Variants in TJP1 observed in about 807,000 individuals in gnomAD.
TJP1 encodes tight junction protein ZO-1.
TJP1 carries 43 observed loss-of-function variants against 194.2 expected under a neutral mutation model. The ratio of observed to expected loss-of-function variants is 0.22; its 90% CI spans 0.17 to 0.29. TJP1 has a LOEUF of 0.29. TJP1 is among the 10% of genes least tolerant of loss of function. TJP1 has a pLI of 1.00. For synonymous variants in TJP1, 801 were observed against 779.0 expected, an observed-to-expected ratio of 1.03 and a Z score of -0.47; for missense variants, 1,971 against 2,185.7, an observed-to-expected ratio of 0.90 and a Z score of 1.96.
chr15:29,785,734 T>C (rs1357458720), intron 2 of TJP1, among the ~76,000 whole-genome samples: 1 of 152,224 alleles, frequency 6.6e-6, no homozygotes, highest in Non-Finnish European at 1.5e-5. Flanking sequence ...AACCTTTCAA[T>C]GGAATTTCAA....
At chr15:29,738,865 TAAA>T (rs71103406) in intron 10 of TJP1, among the ~76,000 whole-genome samples, 3 of 48,864 alleles carry the variant, frequency 6.1e-5, no homozygotes, top group African/African-American at 1.9e-4. Flanking sequence ...CTGTCACTAC[TAAA>T]AAAAAAAAAA....
chr15:29,871,542 CGTGG>C (rs1313507583), intron 2 of TJP1, among the ~76,000 whole-genome samples: 7 of 152,226 alleles, frequency 4.6e-5, no homozygotes, highest in Non-Finnish European at 8.8e-5. Context: ...GAAAGCTTGC[CGTGG>C]GAGAGGCGCA....
At chr15:29,761,927 AGAT>A (rs1196640642) in intron 6 of TJP1, among the ~76,000 whole-genome samples, 158 bp from the exon 7 acceptor site, 3 of 152,196 alleles carry the variant, frequency 2.0e-5, no homozygotes, top group African/African-American at 7.2e-5. Context: ...CACCTTCTTG[AGAT>A]GATAAAATCT....
At chr15:29,784,332 T>A (rs1339197144) in intron 2 of TJP1, among the ~76,000 whole-genome samples, 2 of 152,074 alleles carry the variant, frequency 1.3e-5, no homozygotes, top group Non-Finnish European at 2.9e-5. Flanking sequence ...AGAGTTTCGC[T>A]CTTCTCCTCC....
chr15:29,744,102 C>A (rs1442951578), intron 8 of TJP1, among the ~76,000 whole-genome samples: 1 of 152,076 alleles, frequency 6.6e-6, no homozygotes, highest in African/African-American at 2.4e-5. Context: ...TCAATTGAAC[C>A]CAGGAGGCAG....
At chr15:29,878,387 T>G (rs921108897) in intron 2 of TJP1, among the ~76,000 whole-genome samples, 4 of 152,182 alleles carry the variant, frequency 2.6e-5, no homozygotes, top group Non-Finnish European at 4.4e-5. Context: ...CTGTGACTAA[T>G]CAAGTACAAC....
At chr15:29,739,214 T>C (rs2044234431) in intron 10 of TJP1, among the ~76,000 whole-genome samples, 1 of 152,196 alleles carries the variant, frequency 6.6e-6, no homozygotes, top group Non-Finnish European at 1.5e-5. Flanking sequence ...CTTTAGGCCA[T>C]ATCTCACCAA....
At chr15:29,920,589 G>C (rs114235147) in intron 2 of TJP1, among the ~76,000 whole-genome samples, 1 of 152,246 alleles carries the variant, frequency 6.6e-6, no homozygotes, top group African/African-American at 2.4e-5. Flanking sequence ...TCTCCTTTCC[G>C]TTACCTATCT....
intron 2 of TJP1, among the ~76,000 whole-genome samples, chr15:29,949,923 T>C (rs191352684): frequency 0.14 from 630 of 4,402 alleles, no homozygotes; most frequent in Non-Finnish European, 0.15. Context: ...ACCTCCACCT[T>C]CACCACCACC....
intron 1 of TJP1, among the ~76,000 whole-genome samples, chr15:29,817,771 G>C (rs2050031802): frequency 6.6e-6 from 1 of 152,158 alleles, no homozygotes; most frequent in South Asian, 2.1e-4. Flanking sequence ...ACTCATAAGT[G>C]GGAGTTGAAC....
At chr15:29,948,639 A>G (rs1200622770) in intron 2 of TJP1, among the ~76,000 whole-genome samples, 2 of 152,142 alleles carry the variant, frequency 1.3e-5, no homozygotes, top group African/African-American at 2.4e-5. Flanking sequence ...GGCATGGCAC[A>G]AGCCTACCGA....
intron 2 of TJP1, among the ~76,000 whole-genome samples, chr15:29,839,189 GA>G (rs1463444447): frequency 6.6e-6 from 1 of 151,684 alleles, no homozygotes; most frequent in Non-Finnish European, 1.5e-5. Flanking sequence ...TACTAGAGAC[GA>G]GGTTTCCCTG....
At chr15:29,913,688 C>T (rs1396168854) in intron 2 of TJP1, among the ~76,000 whole-genome samples, 1 of 151,904 alleles carries the variant, frequency 6.6e-6, no homozygotes, top group Non-Finnish European at 1.5e-5. Flanking sequence ...GAGGGAGGAT[C>T]TAAAGATGAC....
chr15:29,957,779 AG>A (rs1241245217), intron 1 of TJP1, among the ~76,000 whole-genome samples: 3 of 152,224 alleles, frequency 2.0e-5, no homozygotes, highest in African/African-American at 7.2e-5. Context: ...TGCTCAAAGT[AG>A]AAAGGCAGAG....
At chr15:29,828,926 T>C (rs1822779683) in intron 2 of TJP1, among the ~76,000 whole-genome samples, 1 of 152,044 alleles carries the variant, frequency 6.6e-6, no homozygotes, top group Non-Finnish European at 1.5e-5. Flanking sequence ...GTTTGTTTGG[T>C]ATTTTTAGTA....
rs764430090 is a variant in TJP1, at chr15:29,734,428, T to C, written c.1408-46A>G. 1.0e-5 allele frequency: 14 copies of C among 1,392,160 alleles called. No homozygotes were observed. In the Middle Eastern group the frequency reaches 1.3e-3, roughly 125 times the overall value. The allele number at this position is 1,392,160 out of a possible 1,614,324, so 86.2% of individuals were successfully genotyped here. The stretch of plus-strand genomic sequence containing the variant: ...AATCATTCTTGGCTGTTTAAGAATA[T>C]GAAAATAACATACGCAGGACACAGA... On this transcript the variant is annotated intron_variant, in intron 11 of 27. Coordinates refer to ENST00000614355, the MANE Select transcript of TJP1 (RefSeq NM_001330239.4).
At chr15:29,723,992 C>T (rs1223304077) in intron 18 of TJP1, among the ~76,000 whole-genome samples, 1 of 152,206 alleles carries the variant, frequency 6.6e-6, no homozygotes, top group African/African-American at 2.4e-5. Context: ...AGTATTTCTT[C>T]CACTTCAGTA....
chr15:29,960,206 A>G (rs1473641549), intron 1 of TJP1, among the ~76,000 whole-genome samples: 1 of 152,208 alleles, frequency 6.6e-6, no homozygotes, highest in African/African-American at 2.4e-5. Context: ...ATAAAAATTT[A>G]TATCTACCAA....
At chr15:29,890,530 T>C (rs1315674074) in intron 2 of TJP1, among the ~76,000 whole-genome samples, 1 of 152,086 alleles carries the variant, frequency 6.6e-6, no homozygotes, top group African/African-American at 2.4e-5. Flanking sequence ...TGTCAGGAAA[T>C]GGAAGCCAGA....
Sources: allele counts gnomAD v4.1 joint callset (sites outside exome capture counted in the v4.1 genomes callset), GRCh38; gene constraint gnomAD v4.1.1; transcripts MANE v1.5; gene names NCBI Gene and HGNC (gene_info 2026-07-23, HGNC 2026-07-21).